The following RANBP17 variants were observed in gnomAD, a reference collection of about 807,000 sequenced individuals.
RANBP17 encodes RAN binding protein 17.
RANBP17 carries 158 observed loss-of-function variants against 141.2 expected under a neutral mutation model. The ratio of observed to expected loss-of-function variants is 1.12; its 90% CI spans 0.98 to 1.28. The LOEUF (loss-of-function observed/expected upper bound fraction) is 1.28. Ranked by LOEUF, RANBP17 falls within the 50% of genes most tolerant of loss-of-function variation. RANBP17 has a pLI of 0.00. For missense variants in RANBP17, 1,438 were observed against 1,290.7 expected (o/e 1.11, Z -1.75); for synonymous variants, 430 against 450.0 (o/e 0.96, Z 0.56).
chr5:171,209,981 G>T (rs567318310), intron 20 of RANBP17, among the ~76,000 whole-genome samples: 1 of 142,658 alleles, frequency 7.0e-6, no homozygotes, highest in African/African-American at 2.4e-5. Context: ...TGGATGGATA[G>T]ATATTGTAAA....
At chr5:171,114,448 T>C (rs1483315267) in intron 14 of RANBP17, among the ~76,000 whole-genome samples, 1 of 152,124 alleles carries the variant, frequency 6.6e-6, no homozygotes, top group African/African-American at 2.4e-5. Context: ...TCTGGTGTAC[T>C]TGAGTCACTT....
chr5:171,242,573 G>A (rs1764948293), intron 23 of RANBP17, 109 bp from the exon 24 acceptor site: 6 of 1,160,880 alleles, frequency 5.2e-6, no homozygotes, highest in East Asian at 2.3e-5. Context: ...TTGACCTTGT[G>A]TTTAAATAAG....
chr5:171,017,893 C>T (rs1277070186), intron 14 of RANBP17, among the ~76,000 whole-genome samples: 2 of 152,130 alleles, frequency 1.3e-5, no homozygotes, highest in Non-Finnish European at 2.9e-5. Flanking sequence ...CTGGTTTTTA[C>T]ATTTAAGTCT....
At chr5:171,100,105 G>T (rs1449534208) in intron 14 of RANBP17, among the ~76,000 whole-genome samples, 1 of 152,186 alleles carries the variant, frequency 6.6e-6, no homozygotes, top group Admixed American at 6.5e-5. Flanking sequence ...GTATCAGGAT[G>T]ATGCTGGCCT....
chr5:171,265,513 A>G, intron 24 of RANBP17, among the ~76,000 whole-genome samples, 168 bp from the exon 25 acceptor site: 1 of 152,206 alleles, frequency 6.6e-6, no homozygotes, highest in East Asian at 1.9e-4. Flanking sequence ...CTGGGTGACA[A>G]TAATGAAACT....
At chr5:171,277,053 G>A (rs1421437653) in intron 25 of RANBP17, among the ~76,000 whole-genome samples, 1 of 149,664 alleles carries the variant, frequency 6.7e-6, no homozygotes, top group Admixed American at 6.7e-5. Flanking sequence ...TTGACATTCA[G>A]TGATTTTTGG....
chr5:170,924,828 A>G (rs1772787370), intron 12 of RANBP17: 1 of 250,136 alleles, frequency 4.0e-6, no homozygotes, highest in Admixed American at 5.0e-5. Flanking sequence ...TAGTTTATGA[A>G]CATAACTATC....
chr5:171,101,586 C>A (rs1366142400), intron 14 of RANBP17, among the ~76,000 whole-genome samples: 1 of 152,142 alleles, frequency 6.6e-6, no homozygotes, highest in East Asian at 1.9e-4. Context: ...GGGCATTTAA[C>A]CCATTTACAT....
chr5:171,103,699 G>A (rs554726724), intron 14 of RANBP17, among the ~76,000 whole-genome samples: 1 of 152,126 alleles, frequency 6.6e-6, no homozygotes, highest in Non-Finnish European at 1.5e-5. Context: ...TGGCCACCCA[G>A]TTTTGTGCTT....
intron 14 of RANBP17, among the ~76,000 whole-genome samples, chr5:171,008,348 G>A (rs1287916493): frequency 2.0e-5 from 3 of 152,196 alleles, no homozygotes; most frequent in African/African-American, 7.2e-5. Context: ...TCTTCACGGA[G>A]TGAGGGTGAG....
chr5:171,137,594 GTGTGTGTGTGTC>G (rs1028277508), intron 14 of RANBP17, among the ~76,000 whole-genome samples: 9 of 143,714 alleles, frequency 6.3e-5, no homozygotes, highest in African/African-American at 2.5e-4. Context: ...GTGTGTGTGT[GTGTGTGTGTGTC>G]TGTGTGTGTG....
At chr5:171,117,039 C>G (rs1755683146) in intron 14 of RANBP17, among the ~76,000 whole-genome samples, 1 of 152,020 alleles carries the variant, frequency 6.6e-6, no homozygotes, top group Non-Finnish European at 1.5e-5. Context: ...GTATGTGTAC[C>G]ACATTTTCTT....
rs575381152 is a variant in RANBP17 at position 170,924,419 on chromosome 5, G to A, written c.1337G>A (p.Cys446Tyr). Reference protein sequence around the residue: ...ATVFQQLEQLCTVSRCEYEKT... With the variant: ...ATVFQQLEQLYTVSRCEYEKT... ...GTGTTTCAGCAGTTGGAGCAGTTGTGCACGGTCAGCAGATGTGAATATGAA... is the reference window on the plus strand; with the variant it reads ...GTGTTTCAGCAGTTGGAGCAGTTGTACACGGTCAGCAGATGTGAATATGAA... The change falls in exon 12 of 28, where the codon TGC (cysteine) becomes TAC (tyrosine). Residue 446 changes from cysteine to tyrosine, a missense_variant. By Grantham distance (194) the Cys-to-Tyr change is radical. Transcript: ENST00000523189. The A allele has an allele frequency of 6.2e-7, 1 of 1,612,786 alleles. No homozygotes were observed. Among genetic ancestry groups the A allele is most frequent in the South Asian group, 1.1e-5 (1 of 90,964 alleles).
chr5:170,862,605 G>T (rs545713049), intron 1 of RANBP17, among the ~76,000 whole-genome samples: 8 of 152,170 alleles, frequency 5.3e-5, no homozygotes, highest in Admixed American at 5.2e-4. Flanking sequence ...GCTGCGTCTG[G>T]GGGGAGTTGC....
intron 16 of RANBP17, among the ~76,000 whole-genome samples, chr5:171,181,144 A>C (rs931390275): frequency 6.6e-6 from 1 of 152,152 alleles, no homozygotes; most frequent in Non-Finnish European, 1.5e-5. Flanking sequence ...GAGGCAAGGA[A>C]AAACTTGCTA....
intron 14 of RANBP17, among the ~76,000 whole-genome samples, chr5:171,156,329 A>G (rs559748600): frequency 2.0e-5 from 3 of 152,140 alleles, no homozygotes; most frequent in Admixed American, 1.3e-4. Context: ...AGAAAAAGGT[A>G]CTTTCTTAGT....
intron 12 of RANBP17, among the ~76,000 whole-genome samples, chr5:170,943,065 A>T (rs1774460523): frequency 6.6e-6 from 1 of 152,190 alleles, no homozygotes; most frequent in Non-Finnish European, 1.5e-5. Flanking sequence ...AGTATTAGTC[A>T]AAAGGTCAGT....
intron 14 of RANBP17, among the ~76,000 whole-genome samples, chr5:170,973,168 G>T (rs1438774916): frequency 3.3e-5 from 5 of 152,022 alleles, no homozygotes; most frequent in African/African-American, 4.8e-5. Context: ...TAGTTAAAGG[G>T]AACATGGACA....
intron 14 of RANBP17, among the ~76,000 whole-genome samples, chr5:171,167,355 A>T (rs1045155702): frequency 1.4e-4 from 21 of 152,202 alleles, no homozygotes; most frequent in Admixed American, 1.4e-3. Flanking sequence ...GTTTTGCCAT[A>T]AAAAAGGCAT....
Sources: allele counts gnomAD v4.1 joint callset (sites outside exome capture counted in the v4.1 genomes callset), GRCh38; gene constraint gnomAD v4.1.1; transcripts MANE v1.5; gene names NCBI Gene and HGNC (gene_info 2026-07-23, HGNC 2026-07-21).